PRKAG2: variants seen among roughly 807,000 people sequenced by gnomAD.
The protein encoded by PRKAG2 is 5'-AMP-activated protein kinase subunit gamma-2.
In PRKAG2, 26 loss-of-function variants were observed where a neutral mutation model predicts 69.6. That is an observed-to-expected ratio of 0.37 (90% CI 0.27 to 0.52). PRKAG2 has a LOEUF of 0.52. PRKAG2 is among the 20% of genes least tolerant of loss of function. The pLI is 0.90. For missense variants in PRKAG2, 557 were observed against 740.0 expected, an observed-to-expected ratio of 0.75 and a Z score of 2.87; for synonymous variants, 293 against 285.0, an observed-to-expected ratio of 1.03 and a Z score of -0.28.
At chr7:151,855,196 A>ACCCTC (rs2079704881) in intron 1 of PRKAG2, among the ~76,000 whole-genome samples, 2 of 6,250 alleles carry the variant, frequency 3.2e-4, no homozygotes, top group Non-Finnish European at 5.9e-4. Context: ...ACCACCCTCC[A>ACCCTC]CACACACCAC....
chr7:151,766,082 T>A (rs1392608280), intron 3 of PRKAG2, among the ~76,000 whole-genome samples: 2 of 152,156 alleles, frequency 1.3e-5, no homozygotes, highest in African/African-American at 4.8e-5. Context: ...ACTCAATTCA[T>A]CTCCTTTATC....
Position 151,769,650 on chromosome 7 carries a change from G to T in PRKAG2, c.466+11502C>A, listed in dbSNP as rs148165964. 3.7e-4 allele frequency among the ~76,000 whole-genome samples: 57 copies of T among 152,346 alleles called. 1 individual carries two copies. The highest frequency in any genetic ancestry group is 1.3e-3 in the African/African-American group (54 of 41,578). The stretch of plus-strand genomic sequence containing the variant: ...CAGAATTGTGGGAACAGGAATCCGG[G>T]CAGCTTAGGCCATGCAGCCTGTGGT... On this transcript the variant is annotated intron_variant, in intron 3 of 15. Transcript: ENST00000287878.
At chr7:151,824,726 G>C (rs974698599) in intron 1 of PRKAG2, among the ~76,000 whole-genome samples, 5 of 152,176 alleles carry the variant, frequency 3.3e-5, no homozygotes, top group Admixed American at 2.0e-4. Context: ...CAGAGCCCCA[G>C]CTGTCGGTGA....
chr7:151,615,118 C>T (rs1386004855), intron 5 of PRKAG2, among the ~76,000 whole-genome samples: 1 of 152,166 alleles, frequency 6.6e-6, no homozygotes, highest in African/African-American at 2.4e-5. Context: ...AGAGAGAACC[C>T]CGAGAAAGGA....
intron 5 of PRKAG2, among the ~76,000 whole-genome samples, chr7:151,621,000 G>A (rs909959140): frequency 3.3e-5 from 5 of 152,166 alleles, no homozygotes; most frequent in African/African-American, 1.2e-4. Context: ...TTACCGGCAA[G>A]AGCTACCTTG....
At chr7:151,607,991 G>A (rs1239610974) in intron 5 of PRKAG2, among the ~76,000 whole-genome samples, 1 of 152,204 alleles carries the variant, frequency 6.6e-6, no homozygotes, top group South Asian at 2.1e-4. Flanking sequence ...GGATTAGGGT[G>A]GGCCCTAAAT....
At chr7:151,779,690 G>A (rs1308379829) in intron 3 of PRKAG2, among the ~76,000 whole-genome samples, 1 of 152,204 alleles carries the variant, frequency 6.6e-6, no homozygotes, top group Non-Finnish European at 1.5e-5. Context: ...AGCCCTTGAA[G>A]GCAGGAATCC....
At chr7:151,703,094 T>A (rs1837996215) in intron 3 of PRKAG2, among the ~76,000 whole-genome samples, 1 of 152,224 alleles carries the variant, frequency 6.6e-6, no homozygotes, top group Non-Finnish European at 1.5e-5. Flanking sequence ...AGAAGACACC[T>A]CTGCCAGCCC....
At chr7:151,848,287 A>G (rs2079483153) in intron 1 of PRKAG2, among the ~76,000 whole-genome samples, 1 of 152,120 alleles carries the variant, frequency 6.6e-6, no homozygotes, top group Non-Finnish European at 1.5e-5. Context: ...AAAGAGCTGG[A>G]AGGAACCAGT....
At chr7:151,679,338 C>T (rs1833470878) in intron 3 of PRKAG2, among the ~76,000 whole-genome samples, 1 of 152,146 alleles carries the variant, frequency 6.6e-6, no homozygotes, top group South Asian at 2.1e-4. Context: ...AGAGTCATAT[C>T]CTTCAGTGGT....
At chr7:151,862,629 T>C (rs1259913741) in intron 1 of PRKAG2, among the ~76,000 whole-genome samples, 1 of 152,232 alleles carries the variant, frequency 6.6e-6, no homozygotes, top group Non-Finnish European at 1.5e-5. Flanking sequence ...GCATGCCATC[T>C]TTAAAGGAGC....
At chr7:151,695,730 C>T (rs1015576700) in intron 3 of PRKAG2, among the ~76,000 whole-genome samples, 1 of 152,172 alleles carries the variant, frequency 6.6e-6, no homozygotes, top group South Asian at 2.1e-4. Flanking sequence ...AGCAGGGTGG[C>T]GTTGCTTCCA....
intron 3 of PRKAG2, among the ~76,000 whole-genome samples, chr7:151,680,789 GAGGACC>G (rs1256388306): frequency 6.6e-6 from 1 of 152,164 alleles, no homozygotes; most frequent in Non-Finnish European, 1.5e-5. Flanking sequence ...TGTCTCCCAC[GAGGACC>G]AGGACCAGGA....
intron 3 of PRKAG2, among the ~76,000 whole-genome samples, chr7:151,688,245 C>G (rs966673692): frequency 6.6e-6 from 1 of 152,196 alleles, no homozygotes; most frequent in Non-Finnish European, 1.5e-5. Context: ...GGAGCCCCCC[C>G]AGGTGGCCCA....
At chr7:151,755,413 T>C (rs1275846844) in intron 3 of PRKAG2, among the ~76,000 whole-genome samples, 1 of 151,898 alleles carries the variant, frequency 6.6e-6, no homozygotes, top group Admixed American at 6.6e-5. Context: ...AGGGGGTGGG[T>C]GTGCACAAGA....
chr7:151,631,167 C>T (rs1052003373), intron 5 of PRKAG2, among the ~76,000 whole-genome samples: 1 of 152,136 alleles, frequency 6.6e-6, no homozygotes, highest in African/African-American at 2.4e-5. Context: ...TATCAATACT[C>T]CTGGAAAAAA....
intron 5 of PRKAG2, among the ~76,000 whole-genome samples, chr7:151,622,706 A>ATCCAAT (rs1821826707): frequency 6.6e-6 from 1 of 152,210 alleles, no homozygotes; most frequent in Non-Finnish European, 1.5e-5. Flanking sequence ...TCTCAGGAAC[A>ATCCAAT]GGGATAAGCA....
At chr7:151,867,573 C>A (rs964727218) in intron 1 of PRKAG2, among the ~76,000 whole-genome samples, 1 of 152,184 alleles carries the variant, frequency 6.6e-6, no homozygotes, top group African/African-American at 2.4e-5. Flanking sequence ...TCATCCTAAT[C>A]TATATGTTAA....
intron 1 of PRKAG2, among the ~76,000 whole-genome samples, chr7:151,826,683 C>T (rs990300585): frequency 3.3e-5 from 5 of 152,196 alleles, no homozygotes; most frequent in Non-Finnish European, 5.9e-5. Flanking sequence ...TCTAAAGGGA[C>T]ATTAAACAAA....
Sources: gnomAD v4.1 joint callset for allele counts (sites outside exome capture counted in the v4.1 genomes callset) on GRCh38, gnomAD v4.1.1 for gene constraint, MANE v1.5 for transcripts, NCBI Gene and HGNC (gene_info 2026-07-23, HGNC 2026-07-21) for gene names.